The following PCCA variants were observed in gnomAD, a reference collection of about 807,000 sequenced individuals.
PCCA encodes the protein propionyl-CoA carboxylase alpha chain, mitochondrial.
A neutral mutation model predicts 101.3 loss-of-function variants in PCCA; 74 were observed. The ratio of observed to expected loss-of-function variants is 0.73; its 90% CI spans 0.61 to 0.89. The LOEUF is 0.89. PCCA is among the 40% of genes least tolerant of loss of function. The pLI is 0.00. For missense variants in PCCA, 891 were observed against 907.0 expected (o/e 0.98, Z 0.23); for synonymous variants, 294 against 313.6 (o/e 0.94, Z 0.66).
At chr13:100,386,378 CT>C (rs1339367666) in intron 19 of PCCA, among the ~76,000 whole-genome samples, 1 of 151,924 alleles carries the variant, frequency 6.6e-6, no homozygotes, top group East Asian at 1.9e-4. Flanking sequence ...CTATGTGCTG[CT>C]TTCTTTTTTT....
chr13:100,273,442 CATAAAGTGTTAA>C (rs1566840723), intron 12 of PCCA, 96 bp downstream of exon 12: 6 of 958,426 alleles, frequency 6.3e-6, no homozygotes, highest in Middle Eastern at 3.1e-4. Flanking sequence ...AAATTAACTC[CATAAAGTGTTAA>C]ATAAAGATTT....
chr13:100,111,903 C>T lies in PCCA; in HGVS notation c.231+15C>T, dbSNP rs202049874. 4,364 of 1,606,098 alleles carry T rather than the reference C, an allele frequency of 2.7e-3. 21 individuals carry two copies. The highest frequency in any genetic ancestry group is 2.3e-3 in the Non-Finnish European group (2,748 of 1,173,588). On this transcript the variant is annotated intron_variant, in intron 3 of 23. Transcript: ENST00000376285. ...TTGCATGTCGGGTGAGTAGAATTTT[C>T]GTCTTATTTTCCATTTTACTCTGAA... is the stretch of plus-strand genomic sequence containing the variant.
chr13:100,493,133 G>A (rs2085023291), intron 21 of PCCA, among the ~76,000 whole-genome samples: 1 of 152,154 alleles, frequency 6.6e-6, no homozygotes, highest in Non-Finnish European at 1.5e-5. Flanking sequence ...ACTACCATGG[G>A]GCCAGAGCCC....
chr13:100,408,978 C>T (rs192532978), intron 19 of PCCA, among the ~76,000 whole-genome samples: 65 of 152,260 alleles, frequency 4.3e-4, no homozygotes, highest in African/African-American at 1.5e-3. Context: ...TAATTACTGT[C>T]CGATGGAGTT....
intron 19 of PCCA, among the ~76,000 whole-genome samples, chr13:100,374,862 C>T (rs964322510): frequency 6.6e-6 from 1 of 152,114 alleles, no homozygotes; most frequent in Non-Finnish European, 1.5e-5. Context: ...GTGTCTCTGT[C>T]TCCTTCAGTT....
In PCCA at chr13:100,307,178, T is replaced by C. The variant is rs1374058554; in HGVS notation, c.1285-14T>C. On this transcript the variant is annotated splice_polypyrimidine_tract_variant and intron_variant, in intron 14 of 23. Coordinates refer to ENST00000376285, the MANE Select transcript of PCCA (RefSeq NM_000282.4). ...AATATGAATTACTTTTCTTTTTTTC[T>C]TTTTTTCTCCCAGGTCCGAGTGGAC... 2 of 1,596,760 alleles carry C rather than the reference T, an allele frequency of 1.3e-6. No homozygotes were observed. The highest frequency in any genetic ancestry group is 1.7e-5 in the Admixed American group (1 of 59,968).
At chr13:100,277,727 G>T (rs960143766) in intron 12 of PCCA, among the ~76,000 whole-genome samples, 3 of 152,150 alleles carry the variant, frequency 2.0e-5, no homozygotes, top group African/African-American at 4.8e-5. Flanking sequence ...AAGGGAGTCT[G>T]GGAATAGGCT....
chr13:100,413,487 A>C (rs2078176750), intron 19 of PCCA, among the ~76,000 whole-genome samples: 1 of 152,230 alleles, frequency 6.6e-6, no homozygotes, highest in Admixed American at 6.5e-5. Flanking sequence ...AACAAGAAAA[A>C]TTGAAGAACA....
chr13:100,456,229 T>C (rs1200522368), intron 21 of PCCA, among the ~76,000 whole-genome samples: 2 of 152,242 alleles, frequency 1.3e-5, no homozygotes, highest in Non-Finnish European at 1.5e-5. Context: ...GTACCTCTTA[T>C]AGCTTTTTGT....
At chr13:100,114,161 GA>G (rs1354993396) in intron 4 of PCCA, among the ~76,000 whole-genome samples, 7 of 152,088 alleles carry the variant, frequency 4.6e-5, no homozygotes, top group African/African-American at 1.7e-4. Flanking sequence ...ACAAAATGAA[GA>G]GACAACCCAC....
chr13:100,141,310 C>T (rs2051841151), intron 4 of PCCA, among the ~76,000 whole-genome samples: 1 of 152,198 alleles, frequency 6.6e-6, no homozygotes, highest in African/African-American at 2.4e-5. Flanking sequence ...TTAGTTCTCT[C>T]TCACTTTTTT....
chr13:100,106,627 C>A lies in PCCA; in HGVS notation c.183+3667C>A, dbSNP rs544762691. Among the ~76,000 whole-genome samples, 11 of 152,170 alleles carry A rather than the reference C, an allele frequency of 7.2e-5. No homozygotes were observed. The South Asian group carries it at 2.3e-3, about 32-fold the overall frequency. ...ATGGAGTTTCACCATGTTGGCCAGG[C>A]TGGTCTCGAACTCCTGACCTCAGGT... On this transcript the variant is annotated intron_variant, in intron 2 of 23. Transcript: ENST00000376285.
In PCCA at chr13:100,311,630, C is replaced by T. The variant is rs563785984; in HGVS notation, c.1429+1722C>T. Among the ~76,000 whole-genome samples the T allele has an allele frequency of 4.6e-5, 7 of 152,092 alleles. No individual in the cohort carries two copies. The East Asian group carries it at 1.2e-3, about 25-fold the overall frequency. ...AGTAAAAATACAAAAATTAGCCAGG[C>T]GTGGTGGTGGGTGCCCATAGTCCCA... On this transcript the variant is annotated intron_variant, in intron 16 of 23. Transcript: ENST00000376285.
At chr13:100,127,842 A>G (rs2050113288) in intron 4 of PCCA, among the ~76,000 whole-genome samples, 1 of 152,224 alleles carries the variant, frequency 6.6e-6, no homozygotes, top group Non-Finnish European at 1.5e-5. Context: ...CACTGAGCCG[A>G]GATCGCGCCA....
chr13:100,472,265 C>G (rs1019824382), intron 21 of PCCA, among the ~76,000 whole-genome samples: 4 of 152,030 alleles, frequency 2.6e-5, no homozygotes, highest in Admixed American at 1.3e-4. Flanking sequence ...GGGCAAGGTC[C>G]CTGGGCACGA....
At chr13:100,507,293 G>GT (rs1357840704) in intron 21 of PCCA, among the ~76,000 whole-genome samples, 3 of 152,198 alleles carry the variant, frequency 2.0e-5, no homozygotes, top group African/African-American at 7.2e-5. Flanking sequence ...GCACCTACTT[G>GT]TTAGACAGCT....
intron 18 of PCCA, among the ~76,000 whole-genome samples, chr13:100,357,931 G>A (rs183353092): frequency 1.3e-5 from 2 of 152,272 alleles, no homozygotes; most frequent in South Asian, 2.1e-4. Flanking sequence ...CTGGAAATGT[G>A]CGTAACAAAG....
intron 18 of PCCA, among the ~76,000 whole-genome samples, chr13:100,361,170 G>A (rs2074538419): frequency 6.6e-6 from 1 of 152,064 alleles, no homozygotes; most frequent in South Asian, 2.1e-4. Flanking sequence ...GTGGAACAGG[G>A]GACTTGTAGG....
chr13:100,438,292 C>T (rs2080093131), intron 20 of PCCA, among the ~76,000 whole-genome samples: 1 of 151,982 alleles, frequency 6.6e-6, no homozygotes, highest in African/African-American at 2.4e-5. Context: ...GTAGGTGGGA[C>T]TGCAGGCCTG....
Sources: allele counts gnomAD v4.1 joint callset (sites outside exome capture counted in the v4.1 genomes callset), GRCh38; gene constraint gnomAD v4.1.1; transcripts MANE v1.5; gene names NCBI Gene and HGNC (gene_info 2026-07-23, HGNC 2026-07-21).